The following MAGI1 variants were observed in gnomAD, a reference collection of about 807,000 sequenced individuals.
MAGI1 encodes the protein membrane associated guanylate kinase, WW and PDZ domain containing 1, also known as membrane-associated guanylate kinase, WW and PDZ domain-containing protein 1.
A neutral mutation model predicts 139.9 loss-of-function variants in MAGI1; 58 were observed. The observed-to-expected ratio is 0.41, with a 90% CI of 0.34 to 0.52. MAGI1 has a LOEUF of 0.52. Ranked by LOEUF, MAGI1 falls within the 20% of genes least tolerant of loss-of-function variation. The pLI, the probability that MAGI1 is intolerant of heterozygous loss-of-function variation, is 0.12. For synonymous variants in MAGI1, 812 were observed against 737.9 expected (o/e 1.10, Z -1.63); for missense variants, 1,874 against 1,901.6 (o/e 0.99, Z 0.27).
chr3:65,867,605 C>T (rs1285811722), intron 1 of MAGI1, among the ~76,000 whole-genome samples: 1 of 152,076 alleles, frequency 6.6e-6, no homozygotes, highest in Non-Finnish European at 1.5e-5. Flanking sequence ...TATAGTGGCC[C>T]ACGCCTAAAG....
At chr3:65,986,326 T>C (rs189385776) in intron 1 of MAGI1, among the ~76,000 whole-genome samples, 6 of 152,312 alleles carry the variant, frequency 3.9e-5, no homozygotes, top group Admixed American at 1.3e-4. Context: ...GCTGAAGAAA[T>C]AGATTCTATA....
rs1340104660 is a variant in MAGI1, at chr3:65,852,502, A to ATT, written c.313+185492_313+185493dup. 9.4e-3 allele frequency among the ~76,000 whole-genome samples: 1,285 copies of ATT among 137,430 alleles called. 21 individuals carry two copies. Among genetic ancestry groups the ATT allele is most frequent in the African/African-American group, 0.032 (1,208 of 37,244 alleles). 90.2% of individuals were successfully genotyped at this position (137,430 alleles called of 152,430 possible). ...ATGTTTGAAGACACACTTGACACCA[A>ATT]TTTTTTTTTTTTTTTTTTGAGACAG... On this transcript the variant is annotated intron_variant, in intron 1 of 22. Coordinates refer to ENST00000402939, the MANE Select transcript of MAGI1 (RefSeq NM_001033057.2).
intron 2 of MAGI1, among the ~76,000 whole-genome samples, chr3:65,561,912 C>T (rs1344294853): frequency 1.3e-5 from 2 of 152,130 alleles, no homozygotes; most frequent in African/African-American, 4.8e-5. Context: ...CAGATACTCT[C>T]GTTCAACCAC....
intron 1 of MAGI1, among the ~76,000 whole-genome samples, chr3:65,626,796 T>C (rs1559733384): frequency 1.3e-5 from 2 of 152,230 alleles, no homozygotes; most frequent in Middle Eastern, 3.2e-3. Flanking sequence ...TCCATGACAT[T>C]TGGACATGAA....
chr3:65,416,962 C>G (rs1946263231), intron 12 of MAGI1, among the ~76,000 whole-genome samples: 1 of 152,128 alleles, frequency 6.6e-6, no homozygotes, highest in Admixed American at 6.5e-5. Context: ...GCAAATACTT[C>G]CCTCCAGATG....
chr3:65,662,421 CT>C (rs1401847897), intron 1 of MAGI1, among the ~76,000 whole-genome samples: 4 of 152,234 alleles, frequency 2.6e-5, no homozygotes, highest in Non-Finnish European at 5.9e-5. Flanking sequence ...GATTCTGCCA[CT>C]TTGTGTGAAT....
intron 1 of MAGI1, among the ~76,000 whole-genome samples, chr3:65,821,801 G>C (rs533660167): frequency 3.9e-5 from 6 of 152,290 alleles, no homozygotes; most frequent in African/African-American, 1.4e-4. Context: ...CAAAATTTAA[G>C]ACAAGCAGCT....
intron 1 of MAGI1, among the ~76,000 whole-genome samples, chr3:65,721,214 T>A (rs1426893801): frequency 6.6e-6 from 1 of 152,184 alleles, no homozygotes. Flanking sequence ...CTCCAGGGTA[T>A]AACATAACAC....
chr3:65,463,286 AGTTT>A (rs1351625643), intron 5 of MAGI1, among the ~76,000 whole-genome samples: 2 of 152,096 alleles, frequency 1.3e-5, no homozygotes, highest in African/African-American at 4.8e-5. Flanking sequence ...AACAATACCT[AGTTT>A]ATTGAGTGTT....
At chr3:65,812,832 T>C (rs2041362067) in intron 1 of MAGI1, among the ~76,000 whole-genome samples, 1 of 146,622 alleles carries the variant, frequency 6.8e-6, no homozygotes, top group Non-Finnish European at 1.5e-5. Context: ...TGCCTCAGCC[T>C]CCAAGTAGCT....
chr3:65,688,035 C>T (rs2088215183), intron 1 of MAGI1: 2 of 814,090 alleles, frequency 2.5e-6, no homozygotes, highest in Non-Finnish European at 4.3e-6. Context: ...CACCCTGGAT[C>T]CTAGGCCTAC....
chr3:65,683,855 A>G (rs1017735285), intron 1 of MAGI1, among the ~76,000 whole-genome samples: 4 of 152,030 alleles, frequency 2.6e-5, no homozygotes, highest in Admixed American at 1.3e-4. Context: ...GGTGAGATGT[A>G]AAATAGTATA....
chr3:65,789,541 G>C (rs1011454003), intron 1 of MAGI1, among the ~76,000 whole-genome samples: 2 of 152,144 alleles, frequency 1.3e-5, no homozygotes, highest in Non-Finnish European at 2.9e-5. Flanking sequence ...TTACACTTGA[G>C]GCAGATGATC....
chr3:65,737,331 G>A (rs1559835073), intron 1 of MAGI1, among the ~76,000 whole-genome samples: 1 of 152,192 alleles, frequency 6.6e-6, no homozygotes, highest in Non-Finnish European at 1.5e-5. Flanking sequence ...ATGAATGGAT[G>A]GATGGACAGA....
In MAGI1 at chr3:65,520,297, G is replaced by T. The variant is rs997178593; in HGVS notation, c.431-26666C>A. On this transcript the variant is annotated intron_variant, in intron 2 of 22. Transcript: ENST00000402939. Reference sequence around the variant, plus strand: ...GAATTCACGATAGCTCAAACTAGCCGTAAGGGAAAAGATAGTTCCTAATGC... The same window carrying T: ...GAATTCACGATAGCTCAAACTAGCCTTAAGGGAAAAGATAGTTCCTAATGC... Among the ~76,000 whole-genome samples, 4 of 152,320 alleles carry T rather than the reference G, an allele frequency of 2.6e-5. No individual in the cohort carries two copies. In the South Asian group the frequency reaches 8.3e-4, roughly 32 times the overall value.
In MAGI1 at chr3:65,644,935, T is replaced by A. The variant is rs980925375; in HGVS notation, c.314-22847A>T. On this transcript the variant is annotated intron_variant, in intron 1 of 22. Coordinates refer to ENST00000402939, the MANE Select transcript of MAGI1 (RefSeq NM_001033057.2). The stretch of plus-strand genomic sequence containing the variant: ...TCACTTGAACCTGGGAAGCGGAGGT[T>A]GCAGTGAGCCGAGATTACACCAGTA... 6.0e-5 allele frequency among the ~76,000 whole-genome samples: 9 copies of A among 150,004 alleles called. No individual in the cohort carries two copies. The South Asian group carries it at 1.1e-3, about 18-fold the overall frequency.
intron 1 of MAGI1, among the ~76,000 whole-genome samples, chr3:65,834,397 A>G (rs890097550): frequency 5.3e-5 from 8 of 152,232 alleles, no homozygotes; most frequent in African/African-American, 1.9e-4. Context: ...AGCTGGAGCT[A>G]TCTTTCTCTT....
chr3:65,500,762 G>A (rs942514960), intron 2 of MAGI1, among the ~76,000 whole-genome samples: 3 of 152,236 alleles, frequency 2.0e-5, no homozygotes, highest in Admixed American at 1.3e-4. Context: ...AAAATAATCA[G>A]CCCACAAAGA....
intron 2 of MAGI1, among the ~76,000 whole-genome samples, chr3:65,571,153 G>T (rs11714643): frequency 0.088 from 13,372 of 152,070 alleles, 739 homozygotes; most frequent in African/African-American, 0.14. Flanking sequence ...AAACCCAAAT[G>T]CACCTGCCTG....
Sources: allele counts gnomAD v4.1 joint callset (sites outside exome capture counted in the v4.1 genomes callset), GRCh38; gene constraint gnomAD v4.1.1; transcripts MANE v1.5; gene names NCBI Gene and HGNC (gene_info 2026-07-23, HGNC 2026-07-21).